The following ZNF846 variants were observed in gnomAD, a reference collection of about 807,000 sequenced individuals.
ZNF846 encodes zinc finger protein 846, also known as zinc finger protein 420 pseudogene.
A neutral mutation model predicts 16.0 loss-of-function variants in ZNF846; 15 were observed. That is an observed-to-expected ratio of 0.94 (90% CI 0.63 to 1.45). The LOEUF (loss-of-function observed/expected upper bound fraction) is 1.45, where lower values mean the gene tolerates loss of function less well. ZNF846 is among the 40% of genes most tolerant of loss of function. The pLI, the probability that ZNF846 is intolerant of heterozygous loss-of-function variation, is 0.00. For synonymous variants in ZNF846, 229 were observed against 212.0 expected (o/e 1.08, Z -0.70); for missense variants, 714 against 622.3 (o/e 1.15, Z -1.57).
At chr19:9,774,883 C>G in intron 1 of ZNF846, 2 of 1,609,980 alleles carry the variant, frequency 1.2e-6, no homozygotes, top group African/African-American at 1.3e-5. Context: ...CTGAAGAATA[C>G]TCTAAGGACC....
At chr19:9,751,724 G>T (rs1394793678), downstream of ZNF846, among the ~76,000 whole-genome samples, 1 of 151,576 alleles carries the variant, frequency 6.6e-6, no homozygotes, top group Non-Finnish European at 1.5e-5. Context: ...CATCCTCCCC[G>T]CCCTTGTGAA....
upstream of ZNF846, among the ~76,000 whole-genome samples, chr19:9,772,366 G>A (rs769434222): frequency 8.5e-5 from 13 of 152,070 alleles, no homozygotes; most frequent in South Asian, 2.1e-4. Context: ...TTGGGAGGCC[G>A]AGGTGAGTGG....
chr19:9,783,215 ATTC>A (rs2045519776), intron 1 of ZNF846, among the ~76,000 whole-genome samples: 4 of 114,064 alleles, frequency 3.5e-5, no homozygotes, highest in African/African-American at 1.3e-4. Flanking sequence ...TCTCCCTATA[ATTC>A]TTTTTTTTTT....
rs976376751 is a variant in ZNF846 at position 9,775,040 on chromosome 19, G to C, written c.-85-10005C>G. On this transcript the variant is annotated intron_variant, in intron 1 of 4. Transcript: ENST00000586814. ...CAGACACCCGGCAAAGCAGGACTCTGTGGAAATTGACACGTGCCACCGCCT... is the reference window on the plus strand; with the variant it reads ...CAGACACCCGGCAAAGCAGGACTCTCTGGAAATTGACACGTGCCACCGCCT... The C allele has an allele frequency of 1.1e-5, 15 of 1,309,884 alleles. No individual in the cohort carries two copies. In the African/African-American group the frequency reaches 2.1e-4, roughly 18 times the overall value. 81.1% of individuals were successfully genotyped at this position (1,309,884 alleles called of 1,614,324 possible).
At chr19:9,758,316 T>C in exon 6 of ZNF846, 1 of 1,613,604 alleles carries the variant, frequency 6.2e-7, no homozygotes, top group Non-Finnish European at 8.5e-7. Context: ...TTTACAGACA[T>C]AGGGCTTCTC....
At chr19:9,769,204 C>T (rs1006064645), upstream of ZNF846, among the ~76,000 whole-genome samples, 2 of 152,108 alleles carry the variant, frequency 1.3e-5, no homozygotes, top group African/African-American at 4.8e-5. Context: ...CCCGCCTCGG[C>T]CTCCGGAGTA....
intron 1 of ZNF846, among the ~76,000 whole-genome samples, chr19:9,785,256 G>A (rs1385792366): frequency 6.8e-6 from 1 of 146,136 alleles, no homozygotes; most frequent in Non-Finnish European, 1.5e-5. Context: ...AGGCTGGAGT[G>A]GCCCGATCTC....
At chr19:9,767,102 C>T (rs1360203477) in intron 1 of ZNF846, among the ~76,000 whole-genome samples, 1 of 151,640 alleles carries the variant, frequency 6.6e-6, no homozygotes, top group African/African-American at 2.4e-5. Flanking sequence ...GCTGGGATTA[C>T]AGGGGTGAGC....
intron 1 of ZNF846, chr19:9,775,027 A>C (rs1239759879): frequency 7.1e-7 from 1 of 1,402,900 alleles, no homozygotes; most frequent in Non-Finnish European, 9.8e-7. Flanking sequence ...GACACCCGGC[A>C]AAGCAGGACT....
chr19:9,757,942 A>AG lies in ZNF846; in HGVS notation c.1134dup (p.Ser379LeufsTer17). The AG allele has an allele frequency of 6.2e-7, 1 of 1,613,498 alleles. No individual in the cohort carries two copies. Among genetic ancestry groups the AG allele is most frequent in the Non-Finnish European group, 8.5e-7 (1 of 1,180,000 alleles). ...GTTCTCATGTGTAAAACAAGTCCTG[A>AG]GGAACGAGTAAAAGCTTTCCCACAT... On this transcript the variant is annotated frameshift_variant, in exon 6 of 6. Coordinates refer to ENST00000397902, the Ensembl canonical transcript of ZNF846. LOFTEE classifies it low-confidence loss of function (END_TRUNC).
chr19:9,761,993 G>A (rs115252839), intron 4 of ZNF846, 89 bp downstream of exon 4: 1 of 1,111,690 alleles, frequency 9.0e-7, no homozygotes, highest in Admixed American at 1.8e-5. Context: ...TATACCCTGA[G>A]AAGTTCGCAA....
intron 1 of ZNF846, among the ~76,000 whole-genome samples, chr19:9,779,180 C>G (rs2045476334): frequency 1.3e-5 from 2 of 152,184 alleles, no homozygotes; most frequent in African/African-American, 4.8e-5. Context: ...TTTCAGCCAA[C>G]TGTAGCTTCG....
intron 4 of ZNF846, among the ~76,000 whole-genome samples, chr19:9,760,154 G>A (rs994025391): frequency 1.3e-5 from 2 of 150,590 alleles, no homozygotes; most frequent in African/African-American, 4.9e-5. Context: ...TTAGCCAGGT[G>A]CAGTGGTGCA....
chr19:9,755,285 AC>A (rs941015025), downstream of ZNF846, among the ~76,000 whole-genome samples: 36 of 151,732 alleles, frequency 2.4e-4, 3 homozygotes, highest in African/African-American at 8.8e-4. Flanking sequence ...AAGCAATTAA[AC>A]TTTTCAACCA....
intron 1 of ZNF846, chr19:9,774,861 G>A (rs966420028): frequency 1.1e-4 from 173 of 1,610,072 alleles, no homozygotes; most frequent in Admixed American, 2.5e-4. Flanking sequence ...CACCCGCTTC[G>A]GGCTGACCTA....
chr19:9,780,047 T>TC, intron 1 of ZNF846, among the ~76,000 whole-genome samples: 1 of 135,360 alleles, frequency 7.4e-6, no homozygotes, highest in South Asian at 2.3e-4. Flanking sequence ...CAGCTAATTT[T>TC]GTTTTTTTTT....
At chr19:9,783,994 C>T (rs1233582072) in intron 1 of ZNF846, among the ~76,000 whole-genome samples, 2 of 152,108 alleles carry the variant, frequency 1.3e-5, no homozygotes, top group East Asian at 1.9e-4. Flanking sequence ...CTAGCCATCG[C>T]GCCTGGCCAG....
intron 1 of ZNF846, among the ~76,000 whole-genome samples, chr19:9,785,587 C>G (rs1379009998): frequency 8.0e-6 from 1 of 124,618 alleles, no homozygotes; most frequent in Non-Finnish European, 1.7e-5. Flanking sequence ...TCCCCGCCCC[C>G]ATCTCTCCCT....
rs192597641 is a variant in ZNF846 at position 9,759,439 on chromosome 19, C to T, written c.312+421G>A. ...ACAAAATGGTGAAACCCCATCTCTA[C>T]AAAAAAAAAAATAATCAGCCAGGCA... On this transcript the variant is annotated intron_variant, in intron 5 of 5. Transcript: ENST00000397902. Among the ~76,000 whole-genome samples the T allele has an allele frequency of 4.1e-3, 593 of 143,432 alleles. 5 individuals carry two copies. Among genetic ancestry groups the T allele is most frequent in the Admixed American group, 8.0e-3 (116 of 14,450 alleles). 94.1% of individuals were successfully genotyped at this position (143,432 alleles called of 152,430 possible).
Sources: allele counts gnomAD v4.1 joint callset (sites outside exome capture counted in the v4.1 genomes callset), GRCh38; gene constraint gnomAD v4.1.1; transcripts MANE v1.5; gene names NCBI Gene and HGNC (gene_info 2026-07-23, HGNC 2026-07-21).